Variants in ORMDL3 observed in about 807,000 individuals in gnomAD.
ORMDL3 encodes the protein ORM1-like protein 3.
Under a neutral mutation model 12.6 loss-of-function variants are expected in ORMDL3, and 6 were observed. The ratio of observed to expected loss-of-function variants is 0.48; its 90% CI spans 0.26 to 0.94. The LOEUF (loss-of-function observed/expected upper bound fraction) is 0.94, where lower values mean the gene tolerates loss of function less well. ORMDL3 is among the 40% of genes least tolerant of loss of function. The probability of loss-of-function intolerance (pLI) is 0.14; values close to 1 mark genes in which losing one functional copy is unlikely to be tolerated. For missense variants in ORMDL3, 159 were observed against 205.5 expected (o/e 0.77, Z 1.38); for synonymous variants, 99 against 87.2 (o/e 1.14, Z -0.75).
Position 39,923,167 on chromosome 17 carries a change from A to T in ORMDL3, c.271T>A (p.Tyr91Asn). The T allele has an allele frequency of 6.2e-7, 1 of 1,614,152 alleles. No homozygotes were observed. Among genetic ancestry groups the T allele is most frequent in the Non-Finnish European group, 8.5e-7 (1 of 1,180,006 alleles). Residue 91 changes from tyrosine (Y) to asparagine (N), a missense_variant, in exon 3 of 4, where the codon TAT (tyrosine) becomes AAT (asparagine). Coordinates refer to ENST00000304046, the MANE Select transcript of ORMDL3 (RefSeq NM_139280.4). ...CGAGAGGCCGTGAACTGGACCCCAT[A>T]ATCCATCTGCTCCCAGTGGGTTAGC... ...RLLTHWEQMDYGVQFTASRKF... is the reference protein window; with the variant it reads ...RLLTHWEQMDNGVQFTASRKF...
At position 39,922,312 on chromosome 17, in the gene ORMDL3, C is replaced by A; in HGVS notation, c.*238G>T. ...CTCCATGGAGTCTCTATTCAAAAAG[C>A]AAAAGGAAAAGATCAAAAAATTCAG... On this transcript the variant is annotated 3_prime_UTR_variant, in exon 4 of 4. Coordinates refer to ENST00000304046, the MANE Select transcript of ORMDL3 (RefSeq NM_139280.4). 2.3e-6 allele frequency: 1 copy of A among 430,870 alleles called. No homozygotes were observed. Among genetic ancestry groups the A allele is most frequent in the Non-Finnish European group, 4.1e-6 (1 of 241,424 alleles). 26.7% of individuals were successfully genotyped at this position (430,870 alleles called of 1,614,324 possible).
intron 1 of ORMDL3, chr17:39,925,833 G>T (rs892624371): frequency 1.3e-5 from 2 of 152,194 alleles, no homozygotes; most frequent in Non-Finnish European, 2.9e-5. Flanking sequence ...AGCCCACTAG[G>T]CTGGATAATT....
chr17:39,923,615 G>A (rs367795868), intron 2 of ORMDL3, among the ~76,000 whole-genome samples: 93 of 152,314 alleles, frequency 6.1e-4, no homozygotes, highest in African/African-American at 2.1e-3. Flanking sequence ...GTGCAAGGTA[G>A]CAAGTGGTGA....
chr17:39,925,123 T>C (rs1435263343), intron 1 of ORMDL3: 1 of 152,446 alleles, frequency 6.6e-6, no homozygotes, highest in Non-Finnish European at 1.5e-5. Flanking sequence ...CTCGAACCTG[T>C]GGCCTCCCTC....
intron 2 of ORMDL3, 31 bp from the exon 3 acceptor site, chr17:39,923,294 A>G: frequency 6.2e-7 from 1 of 1,612,240 alleles, no homozygotes; most frequent in Non-Finnish European, 8.5e-7. Flanking sequence ...TAGAGGATAC[A>G]AAAGGGAAAG....
chr17:39,923,947 G>A lies in ORMDL3; in HGVS notation c.174+83C>T. On this transcript the variant is annotated intron_variant, in intron 2 of 3. Coordinates refer to ENST00000304046, the MANE Select transcript of ORMDL3 (RefSeq NM_139280.4). The stretch of plus-strand genomic sequence containing the variant: ...CTGACACCTGGGCCAGGCCCGACAG[G>A]CTCCTCCTATCCCTCAGCCCTGCCA... 8 of 1,387,760 alleles carry A rather than the reference G, an allele frequency of 5.8e-6. No homozygotes were observed. In the South Asian group the frequency reaches 1.2e-4, roughly 20 times the overall value. The allele number at this position is 1,387,760 out of a possible 1,614,324, so 86.0% of individuals were successfully genotyped here.
chr17:39,927,456 G>A (rs1331587319), intron 1 of ORMDL3, 28 bp downstream of exon 1: 2 of 985,296 alleles, frequency 2.0e-6, no homozygotes, highest in Non-Finnish European at 2.4e-6. Context: ...CCGTAGCCCT[G>A]GGGCCTCTTG....
intron 1 of ORMDL3, chr17:39,925,122 G>C (rs1257725938): frequency 6.6e-6 from 1 of 152,432 alleles, no homozygotes; most frequent in African/African-American, 2.4e-5. Context: ...ACTCGAACCT[G>C]TGGCCTCCCT....
intron 1 of ORMDL3, chr17:39,927,144 C>T (rs1978474723): frequency 7.1e-6 from 3 of 425,128 alleles, no homozygotes; most frequent in Non-Finnish European, 9.4e-6. Context: ...CAGCCTGGGT[C>T]TTCGCACTCG....
intron 2 of ORMDL3, 78 bp from the exon 3 acceptor site, chr17:39,923,341 C>G: frequency 2.0e-6 from 3 of 1,500,998 alleles, no homozygotes; most frequent in Non-Finnish European, 2.8e-6. Context: ...GTCACAGACA[C>G]AAGTAACTCC....
At chr17:39,926,761 A>C in intron 1 of ORMDL3, 1 of 982,102 alleles carries the variant, frequency 1.0e-6, no homozygotes, top group Non-Finnish European at 1.2e-6. Flanking sequence ...GGCAGCCACC[A>C]GGTGAGCCCT....
chr17:39,922,982 G>A, intron 3 of ORMDL3, 130 bp downstream of exon 3: 1 of 1,297,552 alleles, frequency 7.7e-7, no homozygotes, highest in Non-Finnish European at 1.1e-6. Flanking sequence ...GTAAGACCCA[G>A]GAATATTCCA....
intron 1 of ORMDL3, chr17:39,925,463 G>A (rs1978359566): frequency 1.3e-5 from 2 of 152,204 alleles, no homozygotes; most frequent in African/African-American, 4.8e-5. Flanking sequence ...AGACCGTAAG[G>A]TCATCACCAT....
intron 3 of ORMDL3, among the ~76,000 whole-genome samples, chr17:39,922,893 G>A (rs1359393241): frequency 6.6e-6 from 1 of 152,228 alleles, no homozygotes; most frequent in Non-Finnish European, 1.5e-5. Flanking sequence ...CCCCAAGCCT[G>A]TAGGCCTATC....
chr17:39,927,529 G>A lies in ORMDL3; in HGVS notation c.-68C>T. ...CGGCCCGGGAACGGTTCCCGGGAGC[G>A]GGGGCCGCTGCTGCTCCAGCAGCTG... On this transcript the variant is annotated 5_prime_UTR_variant, in exon 1 of 4. Coordinates refer to ENST00000304046, the MANE Select transcript of ORMDL3 (RefSeq NM_139280.4). 3.0e-6 allele frequency: 3 copies of A among 985,414 alleles called. No individual in the cohort carries two copies. The highest frequency in any genetic ancestry group is 3.6e-6 in the Non-Finnish European group (3 of 829,950). 61.0% of individuals were successfully genotyped at this position (985,414 alleles called of 1,614,324 possible).
rs142463900 is a variant in ORMDL3, at chr17:39,923,975, G to C, written c.174+55C>G. Reference sequence around the variant, plus strand: ...CCTCCTATCCCTCAGCCCTGCCAAAGGGCAGCCCACAGGGCAGGGGCAGGG... The same window carrying C: ...CCTCCTATCCCTCAGCCCTGCCAAACGGCAGCCCACAGGGCAGGGGCAGGG... On this transcript the variant is annotated intron_variant, in intron 2 of 3. Transcript: ENST00000304046. 7.0e-4 allele frequency: 1,054 copies of C among 1,505,442 alleles called. 8 individuals are homozygous for C. In the African/African-American group the frequency reaches 0.013, roughly 19 times the overall value. 93.3% of individuals were successfully genotyped at this position (1,505,442 alleles called of 1,614,324 possible).
At chr17:39,925,294 A>G (rs1978350851) in intron 1 of ORMDL3, 1 of 152,526 alleles carries the variant, frequency 6.6e-6, no homozygotes, top group Non-Finnish European at 1.5e-5. Flanking sequence ...CACAGTGAGC[A>G]GAGGGAAGTA....
chr17:39,924,205 C>A lies in ORMDL3; in HGVS notation c.-2G>T. On this transcript the variant is annotated 5_prime_UTR_variant, in exon 2 of 4. It adds an upstream start codon to the 5' untranslated region. Transcript: ENST00000304046. ...GCTGTGCGCTGTGCCCACATTCATC[C>A]TGCTGCCCCTCTCTGCTGTTCTGCA... is the stretch of plus-strand genomic sequence containing the variant. 6.2e-7 allele frequency: 1 copy of A among 1,600,312 alleles called. No individual in the cohort carries two copies. The highest frequency in any genetic ancestry group is 8.5e-7 in the Non-Finnish European group (1 of 1,172,522).
chr17:39,927,335 G>GC (rs746740492), intron 1 of ORMDL3, 149 bp downstream of exon 1: 9 of 494,118 alleles, frequency 1.8e-5, no homozygotes, highest in East Asian at 1.7e-4. Context: ...CACCTCCCCA[G>GC]CCGATGCACC....
Sources: allele counts gnomAD v4.1 joint callset (sites outside exome capture counted in the v4.1 genomes callset), GRCh38; gene constraint gnomAD v4.1.1; transcripts MANE v1.5; gene names NCBI Gene and HGNC (gene_info 2026-07-23, HGNC 2026-07-21).